The following CLSPN variants were observed in gnomAD, a reference collection of about 807,000 sequenced individuals.
The protein encoded by CLSPN is claspin homolog.
In CLSPN, 85 loss-of-function variants were observed where a neutral mutation model predicts 156.3. The observed-to-expected ratio is 0.54, with a 90% CI of 0.46 to 0.65. The LOEUF is 0.65. Among genes scored for constraint, CLSPN ranks in the 30% least tolerant of loss-of-function variants. CLSPN has a pLI of 0.00. For synonymous variants in CLSPN, 534 were observed against 542.4 expected, an observed-to-expected ratio of 0.98 and a Z score of 0.22; for missense variants, 1,407 against 1,554.9, an observed-to-expected ratio of 0.90 and a Z score of 1.60.
chr1:35,745,943 T>C (rs941124948), intron 15 of CLSPN, among the ~76,000 whole-genome samples: 1 of 152,218 alleles, frequency 6.6e-6, no homozygotes, highest in Admixed American at 6.5e-5. Flanking sequence ...AGCAGTCTTT[T>C]TTTTTTTCAA....
At chr1:35,729,451 A>C (rs576642353), downstream of CLSPN, among the ~76,000 whole-genome samples, 1 of 152,360 alleles carries the variant, frequency 6.6e-6, no homozygotes, top group South Asian at 2.1e-4. Flanking sequence ...GGTAGAACTA[A>C]ATCAATAAAC....
chr1:35,769,527 G>A (rs1165759565), intron 1 of CLSPN, among the ~76,000 whole-genome samples: 2 of 152,246 alleles, frequency 1.3e-5, no homozygotes, highest in Non-Finnish European at 2.9e-5. Context: ...GAGCTTCCGC[G>A]ACAGGAAACG....
chr1:35,761,619 G>A (rs1194320883), intron 6 of CLSPN, among the ~76,000 whole-genome samples: 3 of 152,076 alleles, frequency 2.0e-5, no homozygotes, highest in Admixed American at 2.0e-4. Flanking sequence ...GGACTAACAG[G>A]CAGGTAATGT....
At chr1:35,760,977 C>T (rs979990019) in intron 7 of CLSPN, 61 bp from the exon 8 acceptor site, 19 of 1,443,968 alleles carry the variant, frequency 1.3e-5, no homozygotes, top group Admixed American at 3.6e-5. Context: ...ATTCTCATCC[C>T]TTAGTATATA....
chr1:35,735,569 G>A lies in CLSPN; in HGVS notation c.*927C>T. 1 of 490,334 alleles carries A rather than the reference G, an allele frequency of 2.0e-6. No individual in the cohort carries two copies. Among genetic ancestry groups the A allele is most frequent in the Non-Finnish European group, 2.6e-6 (1 of 377,818 alleles). The allele number at this position is 490,334 out of a possible 1,614,324, so 30.4% of individuals were successfully genotyped here. ...CTAAAAATACAAAAATTAGCCAGGT[G>A]TGGTGGCATGCACCTGTAGTCCCAG... On this transcript the variant is annotated 3_prime_UTR_variant, in exon 25 of 25. Transcript: ENST00000318121.
At chr1:35,762,313 T>A in intron 5 of CLSPN, 91 bp downstream of exon 5, 1 of 1,193,510 alleles carries the variant, frequency 8.4e-7, no homozygotes, top group Non-Finnish European at 1.2e-6. Context: ...CAGAAAAATA[T>A]GATAGACAAA....
rs16822338 is a variant in CLSPN at position 35,751,600 on chromosome 1, A to C, written c.1772-94T>G. 5.4e-4 allele frequency: 790 copies of C among 1,472,564 alleles called. 2 individuals carry two copies. In the African/African-American group the frequency reaches 9.9e-3, roughly 19 times the overall value. 91.2% of individuals were successfully genotyped at this position (1,472,564 alleles called of 1,614,324 possible). ...AGAAATATTCTAGTCACATCCCAAA[A>C]GGAAAATCTGAGACTCTAGTATTCT... On this transcript the variant is annotated intron_variant, in intron 9 of 24. Transcript: ENST00000318121.
At position 35,762,479 on chromosome 1, in the gene CLSPN, T is replaced by G; in HGVS notation, c.747A>C (p.Lys249Asn). ...AVKNKVKKHK[K>N]KEPSLESGVH... ...CCCCACTCTCCAAAGATGGTTCTTT[T>G]TTCTAAAAGAAATGGCAGGTTGATT... Residue 249 changes from lysine (K) to asparagine (N), a missense_variant and splice_region_variant, in exon 5 of 25, where the codon AAA (lysine) becomes AAC (asparagine). Physicochemically the swap from Lys to Asn is moderately conservative, Grantham distance 94 (BLOSUM62 0). Coordinates refer to ENST00000318121, the MANE Select transcript of CLSPN (RefSeq NM_022111.4). 1.2e-6 allele frequency: 2 copies of G among 1,613,666 alleles called. No homozygotes were observed. Among genetic ancestry groups the G allele is most frequent in the Non-Finnish European group, 1.7e-6 (2 of 1,179,768 alleles).
In CLSPN at chr1:35,733,857, A is replaced by G. The variant is rs1641381319; in HGVS notation, c.*2639T>C. On this transcript the variant is annotated 3_prime_UTR_variant, in exon 25 of 25. Coordinates refer to ENST00000318121, the MANE Select transcript of CLSPN (RefSeq NM_022111.4). ...CTGGGCATGGTGGCATATGCCTGTAATGTGGCCCAGCTATTCCAAAGGTTG... is the reference window on the plus strand; with the variant it reads ...CTGGGCATGGTGGCATATGCCTGTAGTGTGGCCCAGCTATTCCAAAGGTTG... 1.9e-6 allele frequency: 1 copy of G among 522,670 alleles called. No homozygotes were observed. The highest frequency in any genetic ancestry group is 2.1e-5 in the African/African-American group (1 of 48,130). The allele number at this position is 522,670 out of a possible 1,614,324, so 32.4% of individuals were successfully genotyped here.
In CLSPN at chr1:35,736,329, G is replaced by A; in HGVS notation, c.*167C>T. The A allele has an allele frequency of 8.0e-7, 1 of 1,246,838 alleles. No homozygotes were observed. The highest frequency in any genetic ancestry group is 1.0e-6 in the Non-Finnish European group (1 of 994,436). The allele number at this position is 1,246,838 out of a possible 1,614,324, so 77.2% of individuals were successfully genotyped here. ...AATTCAGGGAATAATACTAGGAAAA[G>A]AGATGTCCAGAGCTGTGCAGTAGAA... On this transcript the variant is annotated 3_prime_UTR_variant, in exon 25 of 25. Transcript: ENST00000318121.
At chr1:35,725,770 A>G (rs912074084) in intron 24 of CLSPN, among the ~76,000 whole-genome samples, 2 of 152,088 alleles carry the variant, frequency 1.3e-5, no homozygotes, top group African/African-American at 4.8e-5. Flanking sequence ...GCAGCCCTCA[A>G]TGGAGGAGCT....
chr1:35,761,522 C>A (rs1642477559), intron 6 of CLSPN, among the ~76,000 whole-genome samples: 1 of 152,184 alleles, frequency 6.6e-6, no homozygotes, highest in Non-Finnish European at 1.5e-5. Context: ...CAGACACATT[C>A]CAAGACCTGC....
downstream of CLSPN, among the ~76,000 whole-genome samples, chr1:35,729,320 C>T (rs1006420360): frequency 1.4e-4 from 21 of 152,274 alleles, no homozygotes; most frequent in East Asian, 3.9e-4. Context: ...AAGAATTCCG[C>T]GGACTACGGT....
intron 15 of CLSPN, among the ~76,000 whole-genome samples, chr1:35,745,939 CTTT>C (rs771362236): frequency 6.8e-6 from 1 of 146,550 alleles, no homozygotes; most frequent in Non-Finnish European, 1.5e-5. Context: ...CTAAAGCAGT[CTTT>C]TTTTTTTTCA....
chr1:35,766,832 A>G (rs1332617869), intron 1 of CLSPN, among the ~76,000 whole-genome samples: 3 of 142,876 alleles, frequency 2.1e-5, no homozygotes, highest in African/African-American at 7.9e-5. Flanking sequence ...TTGGCTCCCT[A>G]CAACCTCCGC....
chr1:35,736,813 A>G, intron 24 of CLSPN, 101 bp downstream of exon 24: 5 of 1,380,836 alleles, frequency 3.6e-6, no homozygotes, highest in Non-Finnish European at 3.9e-6. Flanking sequence ...AGATTTCAAC[A>G]TTGCAGCATA....
rs1292254374 is a variant in CLSPN at position 35,760,626 on chromosome 1, G to T, written c.1295C>A (p.Ser432Tyr). 1.2e-6 allele frequency: 2 copies of T among 1,614,068 alleles called. No homozygotes were observed. The highest frequency in any genetic ancestry group is 4.5e-5 in the East Asian group (2 of 44,904). ...ACTGTGATTGTTCCCGAGGAAGTTG[G>T]ATTCCTGTTGCAACACTGAGCTGTC... Reference protein sequence around the residue: ...PGDSSVLQQESNFLGNNHSEE... With the variant: ...PGDSSVLQQEYNFLGNNHSEE... Residue 432 changes from serine to tyrosine, a missense_variant, in exon 8 of 25, where the codon TCC becomes TAC. Transcript: ENST00000318121.
chr1:35,738,698 C>T, intron 20 of CLSPN, 116 bp from the exon 21 acceptor site: 1 of 1,064,804 alleles, frequency 9.4e-7, no homozygotes. Context: ...TTTTCCCATC[C>T]ATTAACAGAA....
In CLSPN at chr1:35,732,178, C is replaced by T. The variant is rs1641332521; in HGVS notation, c.*4318G>A. 4.1e-6 allele frequency: 4 copies of T among 985,164 alleles called. No homozygotes were observed. Among genetic ancestry groups the T allele is most frequent in the African/African-American group, 1.7e-5 (1 of 57,258 alleles). The allele number at this position is 985,164 out of a possible 1,614,324, so 61.0% of individuals were successfully genotyped here. A position where few individuals can be genotyped will look rare whatever the true frequency, so the allele number is the denominator to read the frequency against. ...ACTACATTCCAAGCTGTGTGCCAGG[C>T]GATGAGTAGGATATAAGGGTAGAAG... is the stretch of plus-strand genomic sequence containing the variant. On this transcript the variant is annotated 3_prime_UTR_variant, in exon 25 of 25. Coordinates refer to ENST00000318121, the MANE Select transcript of CLSPN (RefSeq NM_022111.4).
Sources: allele counts gnomAD v4.1 joint callset (sites outside exome capture counted in the v4.1 genomes callset), GRCh38; gene constraint gnomAD v4.1.1; transcripts MANE v1.5; gene names NCBI Gene and HGNC (gene_info 2026-07-23, HGNC 2026-07-21).